Variants in SIK3 observed in about 807,000 individuals in gnomAD.
SIK3 encodes SIK family kinase 3, also known as serine/threonine-protein kinase SIK3.
A neutral mutation model predicts 144.2 loss-of-function variants in SIK3; 28 were observed. The observed-to-expected ratio is 0.19, with a 90% CI of 0.14 to 0.27. SIK3 has a LOEUF of 0.27. Among genes scored for constraint, SIK3 ranks in the 10% least tolerant of loss-of-function variants. The pLI, the probability that SIK3 is intolerant of heterozygous loss-of-function variation, is 1.00. For missense variants in SIK3, 1,319 were observed against 1,776.0 expected, an observed-to-expected ratio of 0.74 and a Z score of 4.62; for synonymous variants, 686 against 676.3, an observed-to-expected ratio of 1.01 and a Z score of -0.22.
At chr11:116,922,937 G>C (rs12288489) in intron 4 of SIK3, among the ~76,000 whole-genome samples, 1 of 76,304 alleles carries the variant, frequency 1.3e-5, no homozygotes, top group East Asian at 4.4e-4. Context: ...TTTTTTTTGA[G>C]ATGGAGTCTC....
intron 3 of SIK3, among the ~76,000 whole-genome samples, chr11:116,931,478 A>G (rs1344541644): frequency 6.6e-6 from 1 of 152,226 alleles, no homozygotes; most frequent in East Asian, 1.9e-4. Context: ...CTAAACAGAC[A>G]GTGTCTCCAT....
chr11:116,875,123 CCA>C (rs757379042), intron 11 of SIK3, 33 bp downstream of exon 11: 8 of 1,538,348 alleles, frequency 5.2e-6, no homozygotes, highest in Non-Finnish European at 7.2e-6. Flanking sequence ...ATTCTTTGCC[CCA>C]GTGTTAGTGA....
intron 3 of SIK3, among the ~76,000 whole-genome samples, chr11:116,948,824 G>T (rs1948794985): frequency 1.3e-5 from 2 of 150,686 alleles, no homozygotes; most frequent in South Asian, 4.2e-4. Context: ...GACACTAGAA[G>T]AGGAAGAACA....
In SIK3 at chr11:117,012,849, C is replaced by CTTTTT. The variant is rs10652499; in HGVS notation, c.274-55790_274-55786dup. Among the ~76,000 whole-genome samples, 287 of 96,104 alleles carry CTTTTT rather than the reference C, an allele frequency of 3.0e-3. 9 individuals carry two copies. The highest frequency in any genetic ancestry group is 8.3e-3 in the African/African-American group (200 of 23,978). The allele number at this position is 96,104 out of a possible 152,430, so 63.0% of individuals were successfully genotyped here. A position where few individuals can be genotyped will look rare whatever the true frequency, so the allele number is the denominator to read the frequency against. On this transcript the variant is annotated intron_variant, in intron 1 of 24. Transcript: ENST00000445177. The stretch of plus-strand genomic sequence containing the variant: ...AGGGTTTTTTTTTTTGCCATTACTG[C>CTTTTT]TTTTTTTTTTTTTTTTTTTTGAGAC...
At chr11:117,075,740 T>G (rs1954487676) in intron 1 of SIK3, among the ~76,000 whole-genome samples, 1 of 151,142 alleles carries the variant, frequency 6.6e-6, no homozygotes, top group African/African-American at 2.4e-5. Flanking sequence ...AGATGGGGTT[T>G]CACAGTGTTA....
At chr11:117,094,217 A>C (rs1955370825) in intron 1 of SIK3, among the ~76,000 whole-genome samples, 1 of 152,224 alleles carries the variant, frequency 6.6e-6, no homozygotes, top group Admixed American at 6.5e-5. Context: ...TCTTACCACA[A>C]ACCAATAACA....
chr11:117,086,556 T>C (rs1955015528), intron 1 of SIK3, among the ~76,000 whole-genome samples: 1 of 150,074 alleles, frequency 6.7e-6, no homozygotes, highest in Non-Finnish European at 1.5e-5. Context: ...CCGGGTGTGG[T>C]GGTGGGCGCC....
intron 1 of SIK3, among the ~76,000 whole-genome samples, chr11:117,015,443 G>T (rs61905708): frequency 0.031 from 4,641 of 151,930 alleles, 91 homozygotes; most frequent in Non-Finnish European, 0.035. Flanking sequence ...ACAGAGTCTC[G>T]CTCTGTCACC....
chr11:117,076,352 A>G (rs779184536), intron 1 of SIK3, among the ~76,000 whole-genome samples: 1 of 152,144 alleles, frequency 6.6e-6, no homozygotes, highest in Admixed American at 6.6e-5. Flanking sequence ...TTGAACTCCA[A>G]TGATTAAATG....
chr11:117,083,869 G>A (rs1279243069), intron 1 of SIK3, among the ~76,000 whole-genome samples: 1 of 152,180 alleles, frequency 6.6e-6, no homozygotes, highest in Non-Finnish European at 1.5e-5. Context: ...CACTAGCAGT[G>A]AACAGATATA....
At chr11:116,982,292 C>CTTT (rs11397827) in intron 1 of SIK3, among the ~76,000 whole-genome samples, 1 of 141,498 alleles carries the variant, frequency 7.1e-6, no homozygotes. Flanking sequence ...TGAAATGATG[C>CTTT]TTTTTTTTTT....
At chr11:116,957,615 C>T (rs112502025) in intron 1 of SIK3, among the ~76,000 whole-genome samples, 41 of 152,130 alleles carry the variant, frequency 2.7e-4, no homozygotes, top group African/African-American at 9.4e-4. Flanking sequence ...CTACCATATA[C>T]GAAATGTTTA....
intron 3 of SIK3, among the ~76,000 whole-genome samples, chr11:116,941,161 C>T (rs1033656146): frequency 3.3e-5 from 5 of 152,136 alleles, no homozygotes; most frequent in African/African-American, 1.2e-4. Flanking sequence ...TGCCCACCAC[C>T]ATGCTCGGCT....
At chr11:117,016,375 G>GGAGA (rs1951529895) in intron 1 of SIK3, among the ~76,000 whole-genome samples, 1 of 99,110 alleles carries the variant, frequency 1.0e-5, no homozygotes, top group Non-Finnish European at 2.0e-5. Flanking sequence ...GGAAGGAGAG[G>GGAGA]GAGGGAGAGA....
intron 3 of SIK3, among the ~76,000 whole-genome samples, chr11:116,941,121 C>A (rs1265286063): frequency 6.6e-6 from 1 of 152,118 alleles, no homozygotes; most frequent in Non-Finnish European, 1.5e-5. Context: ...ATTTTCCTGC[C>A]TCAGCCTCCC....
At chr11:117,084,477 G>C (rs1447251009) in intron 1 of SIK3, among the ~76,000 whole-genome samples, 2 of 152,244 alleles carry the variant, frequency 1.3e-5, no homozygotes, top group South Asian at 4.1e-4. Flanking sequence ...GGTTGGCCAG[G>C]CTGGTCTGGA....
intron 1 of SIK3, among the ~76,000 whole-genome samples, chr11:116,996,754 A>G (rs1035067665): frequency 1.6e-5 from 2 of 125,666 alleles, no homozygotes; most frequent in Non-Finnish European, 3.2e-5. Context: ...CGGGAGGCGG[A>G]GGTTGCTGTG....
At chr11:116,896,496 C>G in intron 5 of SIK3, 120 bp from the exon 6 acceptor site, 1 of 1,089,586 alleles carries the variant, frequency 9.2e-7, no homozygotes, top group Non-Finnish European at 1.3e-6. Context: ...CAAACTTTTT[C>G]TTCCATCTTA....
rs150589694 is a variant in SIK3 at position 117,022,414 on chromosome 11, T to C, written c.274-65350A>G. Among the ~76,000 whole-genome samples, 874 of 152,276 alleles carry C rather than the reference T, an allele frequency of 5.7e-3. 6 individuals carry two copies. The highest frequency in any genetic ancestry group is 0.019 in the African/African-American group (798 of 41,570). On this transcript the variant is annotated intron_variant, in intron 1 of 24. Coordinates refer to ENST00000445177, the MANE Select transcript of SIK3 (RefSeq NM_001366686.3). ...GGAAACACAAAGGGTAAACCCCATATAATTAAAAAAAGACAAAAAGCCTAA... is the reference window on the plus strand; with the variant it reads ...GGAAACACAAAGGGTAAACCCCATACAATTAAAAAAAGACAAAAAGCCTAA...
Sources: gnomAD v4.1 joint callset for allele counts (sites outside exome capture counted in the v4.1 genomes callset) on GRCh38, gnomAD v4.1.1 for gene constraint, MANE v1.5 for transcripts, NCBI Gene and HGNC (gene_info 2026-07-23, HGNC 2026-07-21) for gene names.